ESR1: variants seen among roughly 807,000 people sequenced by gnomAD.
The protein encoded by ESR1 is estrogen receptor.
In ESR1, 12 loss-of-function variants were observed where a neutral mutation model predicts 52.7. That is an observed-to-expected ratio of 0.23 (90% CI 0.15 to 0.37). The LOEUF is 0.37. Among genes scored for constraint, ESR1 ranks in the 10% least tolerant of loss-of-function variants. The pLI is 1.00. For missense variants in ESR1, 584 were observed against 779.7 expected (o/e 0.75, Z 2.99); for synonymous variants, 305 against 316.8 (o/e 0.96, Z 0.39).
chr6:151,942,538 A>G (rs1476310627), intron 3 of ESR1, among the ~76,000 whole-genome samples: 1 of 151,730 alleles, frequency 6.6e-6, no homozygotes, highest in Non-Finnish European at 1.5e-5. Flanking sequence ...AATCTTTATT[A>G]TAATTTTTAC....
At chr6:151,998,736 C>A (rs540519493) in intron 4 of ESR1, among the ~76,000 whole-genome samples, 6 of 152,170 alleles carry the variant, frequency 3.9e-5, no homozygotes, top group Admixed American at 3.9e-4. Context: ...TTTGGTTACC[C>A]TTCAAGTATT....
In ESR1 at chr6:152,008,332, TTAAA is replaced by T. The variant is rs2042497629; in HGVS notation, c.1097-3321_1097-3318del. Among the ~76,000 whole-genome samples, 4 of 152,206 alleles carry T rather than the reference TTAAA, an allele frequency of 2.6e-5. No individual in the cohort carries two copies. The South Asian group carries it at 8.3e-4, about 32-fold the overall frequency. On this transcript the variant is annotated intron_variant, in intron 4 of 7. Coordinates refer to ENST00000206249, the MANE Select transcript of ESR1 (RefSeq NM_000125.4). ...CAATATGCACAGCTGGGAAAGATAA[TTAAA>T]TAGACTCTTTTTGAGAGGTCTACAA...
chr6:152,075,999 T>C (rs9479198), intron 6 of ESR1, among the ~76,000 whole-genome samples: 31,231 of 152,156 alleles, frequency 0.21, 4,422 homozygotes, highest in African/African-American at 0.39. Context: ...AAATTTTATG[T>C]AATGTAAAGG....
intron 1 of ESR1, among the ~76,000 whole-genome samples, chr6:151,823,122 T>C (rs1057443692): frequency 3.3e-5 from 5 of 152,248 alleles, no homozygotes; most frequent in Non-Finnish European, 7.3e-5. Flanking sequence ...TATTATTTGT[T>C]GTTTATCTGA....
At chr6:152,105,864 T>C (rs1202437967), downstream of ESR1, among the ~76,000 whole-genome samples, 2 of 139,396 alleles carry the variant, frequency 1.4e-5, no homozygotes, top group African/African-American at 5.3e-5. Context: ...CTCGGCTCGC[T>C]GCAAGCTCCG....
chr6:151,765,463 G>T (rs1490659860), intron 2 of ESR1, among the ~76,000 whole-genome samples: 2 of 152,224 alleles, frequency 1.3e-5, no homozygotes, highest in African/African-American at 4.8e-5. Flanking sequence ...GTATTGGACA[G>T]CAAAGAAGTA....
At chr6:151,794,098 G>A (rs1776462218) in intron 2 of ESR1, among the ~76,000 whole-genome samples, 1 of 152,206 alleles carries the variant, frequency 6.6e-6, no homozygotes, top group Non-Finnish European at 1.5e-5. Flanking sequence ...CTATGCTGTG[G>A]ATCAGAAAAC....
At chr6:151,801,456 C>A (rs1777235168), upstream of ESR1, among the ~76,000 whole-genome samples, 3 of 152,144 alleles carry the variant, frequency 2.0e-5, no homozygotes, top group South Asian at 6.2e-4. Flanking sequence ...TAATCAAGAA[C>A]AGTCATGCTG....
intron 6 of ESR1, among the ~76,000 whole-genome samples, chr6:152,121,026 C>T (rs2051315274): frequency 6.6e-6 from 1 of 152,178 alleles, no homozygotes; most frequent in Admixed American, 6.5e-5. Flanking sequence ...AGCCAACAAG[C>T]TCCGGCAATT....
chr6:151,672,922 G>A (rs904234384), intron 1 of ESR1, among the ~76,000 whole-genome samples: 12 of 148,382 alleles, frequency 8.1e-5, no homozygotes, highest in African/African-American at 2.2e-4. Context: ...TCTGCCTCCC[G>A]GGTTCACGCC....
At chr6:151,781,664 A>G (rs1255685885) in intron 2 of ESR1, among the ~76,000 whole-genome samples, 1 of 152,244 alleles carries the variant, frequency 6.6e-6, no homozygotes, top group East Asian at 1.9e-4. Context: ...TAAGAGGGCA[A>G]GATATTTGCT....
At chr6:151,994,808 A>C (rs943270912) in intron 4 of ESR1, among the ~76,000 whole-genome samples, 15 of 152,204 alleles carry the variant, frequency 9.9e-5, no homozygotes, top group African/African-American at 3.6e-4. Context: ...TAAAGAGGGT[A>C]AGAATGAGCA....
chr6:151,938,161 C>T (rs570187704), intron 3 of ESR1, among the ~76,000 whole-genome samples: 9 of 152,014 alleles, frequency 5.9e-5, no homozygotes, highest in Non-Finnish European at 8.8e-5. Flanking sequence ...AATACATGAA[C>T]GTAGTCATGG....
chr6:151,834,312 T>C (rs1782925877), intron 1 of ESR1, among the ~76,000 whole-genome samples: 1 of 152,202 alleles, frequency 6.6e-6, no homozygotes, highest in African/African-American at 2.4e-5. Flanking sequence ...TGCCCATCAA[T>C]GATAGACTGG....
chr6:151,789,300 C>T (rs904133958), intron 2 of ESR1, among the ~76,000 whole-genome samples: 1 of 152,164 alleles, frequency 6.6e-6, no homozygotes. Context: ...AATAGTAGAA[C>T]TTCTCTTTAC....
chr6:151,775,513 C>T (rs1785886730), intron 2 of ESR1, among the ~76,000 whole-genome samples: 2 of 151,948 alleles, frequency 1.3e-5, no homozygotes, highest in South Asian at 4.2e-4. Context: ...TTTGGGAAGC[C>T]GAAGCGGGCG....
chr6:151,729,773 A>G (rs112620284), intron 2 of ESR1, among the ~76,000 whole-genome samples: 2 of 152,080 alleles, frequency 1.3e-5, no homozygotes, highest in African/African-American at 4.8e-5. Context: ...GAAAGTGGCA[A>G]AGGGCTCTTT....
chr6:151,751,214 G>T (rs1307650778), intron 2 of ESR1, among the ~76,000 whole-genome samples: 5 of 151,996 alleles, frequency 3.3e-5, no homozygotes, highest in Non-Finnish European at 7.4e-5. Flanking sequence ...GGATTTTTTT[G>T]AGGCCTATGA....
intron 5 of ESR1, among the ~76,000 whole-genome samples, chr6:152,014,104 G>A (rs1399791087): frequency 3.9e-5 from 6 of 152,104 alleles, no homozygotes; most frequent in Admixed American, 3.9e-4. Flanking sequence ...CTTCCCCGTT[G>A]CCATGAAAGA....
Sources: gnomAD v4.1 joint callset for allele counts (sites outside exome capture counted in the v4.1 genomes callset) on GRCh38, gnomAD v4.1.1 for gene constraint, MANE v1.5 for transcripts, NCBI Gene and HGNC (gene_info 2026-07-23, HGNC 2026-07-21) for gene names.